Variants in CCDC77 observed in about 807,000 individuals in gnomAD.
CCDC77 encodes coiled-coil domain containing 77, also known as coiled-coil domain-containing protein 77.
A neutral mutation model predicts 66.8 loss-of-function variants in CCDC77; 56 were observed. The ratio of observed to expected loss-of-function variants is 0.84; its 90% confidence interval spans 0.68 to 1.05. The LOEUF (loss-of-function observed/expected upper bound fraction) is 1.05, where lower values mean the gene tolerates loss of function less well. Ranked by LOEUF, CCDC77 falls within the 50% of genes least tolerant of loss-of-function variation. The pLI, the probability that CCDC77 is intolerant of heterozygous loss-of-function variation, is 0.00. For missense variants in CCDC77, 570 were observed against 576.8 expected, an observed-to-expected ratio of 0.99 and a Z score of 0.12; for synonymous variants, 196 against 195.2, an observed-to-expected ratio of 1.00 and a Z score of -0.03.
chr12:438,632 A>G, intron 10 of CCDC77, 78 bp downstream of exon 10: 1 of 1,105,172 alleles, frequency 9.0e-7, no homozygotes. Context: ...TACAATTTGT[A>G]ATGTAAGATC....
At chr12:424,406 T>C (rs918685786) in intron 5 of CCDC77, among the ~76,000 whole-genome samples, 1 of 151,886 alleles carries the variant, frequency 6.6e-6, no homozygotes, top group Admixed American at 6.6e-5. Flanking sequence ...TATCACTCTG[T>C]CGGCCAGGGT....
At chr12:430,415 C>T (rs1945629112) in intron 6 of CCDC77, among the ~76,000 whole-genome samples, 1 of 152,180 alleles carries the variant, frequency 6.6e-6, no homozygotes, top group African/African-American at 2.4e-5. Context: ...CCTTAGCCTC[C>T]TGAGTAGCGG....
chr12:412,745 C>A (rs908416442), intron 4 of CCDC77, among the ~76,000 whole-genome samples: 1 of 152,164 alleles, frequency 6.6e-6, no homozygotes, highest in Non-Finnish European at 1.5e-5. Context: ...TTCAGCTGTA[C>A]CCTCAACCAT....
chr12:428,976 C>T, intron 6 of CCDC77, 111 bp downstream of exon 6: 2 of 605,334 alleles, frequency 3.3e-6, no homozygotes, highest in Non-Finnish European at 5.8e-6. Flanking sequence ...GAGAATTAGC[C>T]ATCACAGTGC....
At chr12:408,425 A>C (rs1591963199) in intron 2 of CCDC77, among the ~76,000 whole-genome samples, 1 of 152,200 alleles carries the variant, frequency 6.6e-6, no homozygotes, top group East Asian at 1.9e-4. Context: ...CTTTTGCTTA[A>C]GATAATAGAG....
intron 7 of CCDC77, 88 bp downstream of exon 7, chr12:430,824 A>T (rs1471918052): frequency 1.0e-6 from 1 of 1,002,380 alleles, no homozygotes; most frequent in African/African-American, 1.6e-5. Context: ...CACGCCTGTA[A>T]TCCCAGCACT....
At chr12:439,478 C>G (rs1325702930) in intron 10 of CCDC77, among the ~76,000 whole-genome samples, 1 of 149,450 alleles carries the variant, frequency 6.7e-6, no homozygotes, top group East Asian at 2.0e-4. Flanking sequence ...TGAGATCATG[C>G]GATTGTACTC....
intron 4 of CCDC77, among the ~76,000 whole-genome samples, chr12:412,568 G>A (rs181637950): frequency 7.9e-5 from 12 of 152,288 alleles, no homozygotes; most frequent in African/African-American, 2.4e-4. Flanking sequence ...GCCTCTACCC[G>A]CTGGATGCCA....
At position 440,828 on chromosome 12, in the gene CCDC77, C is replaced by T; in HGVS notation, c.1168-16C>T. 6 of 1,613,190 alleles carry T rather than the reference C, an allele frequency of 3.7e-6. No homozygotes were observed. Among genetic ancestry groups the T allele is most frequent in the Non-Finnish European group, 5.1e-6 (6 of 1,179,918 alleles). Reference sequence around the variant, plus strand: ...TCCCTCACCTTCGTAAATGCCTTCCCATTCCCCATATTTAGGATCGCACTA... The same window carrying T: ...TCCCTCACCTTCGTAAATGCCTTCCTATTCCCCATATTTAGGATCGCACTA... On this transcript the variant is annotated splice_polypyrimidine_tract_variant and intron_variant, in intron 11 of 12. Coordinates refer to ENST00000239830, the MANE Select transcript of CCDC77 (RefSeq NM_032358.4).
intron 10 of CCDC77, 108 bp downstream of exon 10, chr12:438,662 T>G: frequency 1.3e-6 from 1 of 759,078 alleles, no homozygotes; most frequent in South Asian, 1.9e-5. Flanking sequence ...CAGGAAGCTC[T>G]GGTAGCAGCT....
Position 418,593 on chromosome 12 carries a change from C to T in CCDC77, c.370C>T (p.His124Tyr). 1 of 1,614,154 alleles carries T rather than the reference C, an allele frequency of 6.2e-7. No homozygotes were observed. Among genetic ancestry groups the T allele is most frequent in the Non-Finnish European group, 8.5e-7 (1 of 1,179,984 alleles). ...GGTCTGCCTCTTCCAGGAACGGGAA[C>T]ATGTTTTACGCCTCTACTCAGAAAA... ...MQVCLFQERE[H>Y]VLRLYSENDR... The change falls in exon 5 of 13, where the codon CAT becomes TAT. Residue 124 changes from histidine (H) to tyrosine (Y), a missense_variant. His to Tyr is a moderately conservative substitution (Grantham distance 83, BLOSUM62 2). Coordinates refer to ENST00000239830, the MANE Select transcript of CCDC77 (RefSeq NM_032358.4).
At chr12:397,164 G>T (rs973763049), upstream of CCDC77, among the ~76,000 whole-genome samples, 2 of 152,184 alleles carry the variant, frequency 1.3e-5, no homozygotes, top group African/African-American at 4.8e-5. Flanking sequence ...ACGAGGTCAG[G>T]AGTTCAAGAC....
intron 7 of CCDC77, among the ~76,000 whole-genome samples, chr12:431,281 C>T (rs532292357): frequency 3.4e-5 from 5 of 148,336 alleles, no homozygotes; most frequent in Admixed American, 2.7e-4. Context: ...TGCAATGGCG[C>T]GATCTTGGCT....
intron 4 of CCDC77, among the ~76,000 whole-genome samples, chr12:412,215 C>T (rs1228671905): frequency 6.6e-6 from 1 of 152,172 alleles, no homozygotes; most frequent in African/African-American, 2.4e-5. Context: ...TCTTTCATCT[C>T]CTTGTACCTG....
rs946305019 is a variant in CCDC77 at position 407,824 on chromosome 12, G to A, written c.-16-1544G>A. On this transcript the variant is annotated intron_variant, in intron 2 of 12. Coordinates refer to ENST00000239830, the MANE Select transcript of CCDC77 (RefSeq NM_032358.4). The stretch of plus-strand genomic sequence containing the variant: ...TTTTTTTGAGACGGAGTCTCGCTCT[G>A]TTGCCCAGGCTGGAGTGCAATGGCG... Among the ~76,000 whole-genome samples the A allele has an allele frequency of 6.2e-5, 7 of 112,722 alleles. No individual in the cohort carries two copies. In the South Asian group the frequency reaches 1.8e-3, roughly 28 times the overall value. 74.0% of individuals were successfully genotyped at this position (112,722 alleles called of 152,430 possible). A position where few individuals can be genotyped will look rare whatever the true frequency, so the allele number is the denominator to read the frequency against.
intron 10 of CCDC77, 152 bp downstream of exon 10, chr12:438,706 C>T (rs1166124207): frequency 8.5e-6 from 5 of 591,694 alleles, no homozygotes; most frequent in African/African-American, 1.9e-5. Flanking sequence ...AGCAGCTGAT[C>T]GTTGTAGTAT....
chr12:409,591 A>G (rs1013797806), intron 3 of CCDC77, 170 bp downstream of exon 3: 2 of 628,682 alleles, frequency 3.2e-6, no homozygotes, highest in Admixed American at 2.8e-5. Context: ...ATCATTGCTC[A>G]TTGCAGCCTT....
chr12:441,658 T>C, intron 12 of CCDC77, 116 bp from the exon 13 acceptor site: 2 of 1,065,856 alleles, frequency 1.9e-6, no homozygotes, highest in South Asian at 1.6e-5. Context: ...GAATTTATCC[T>C]ATGTACTCAA....
At chr12:429,770 TTAAA>T (rs886073318) in intron 6 of CCDC77, among the ~76,000 whole-genome samples, 1 of 151,856 alleles carries the variant, frequency 6.6e-6, no homozygotes, top group African/African-American at 2.4e-5. Context: ...AGAGCTGCTT[TTAAA>T]AAAACAATAA....
Sources: allele counts gnomAD v4.1 joint callset (sites outside exome capture counted in the v4.1 genomes callset), GRCh38; gene constraint gnomAD v4.1.1; transcripts MANE v1.5; gene names NCBI Gene and HGNC (gene_info 2026-07-23, HGNC 2026-07-21).